Variants in TIAM2 observed in about 807,000 individuals in gnomAD.
The protein encoded by TIAM2 is TIAM Rac1 associated GEF 2, also known as rho guanine nucleotide exchange factor TIAM2.
Under a neutral mutation model 152.9 loss-of-function variants are expected in TIAM2, and 80 were observed. The ratio of observed to expected loss-of-function variants is 0.52; its 90% confidence interval spans 0.44 to 0.63. The LOEUF (loss-of-function observed/expected upper bound fraction) is 0.63, where lower values mean the gene tolerates loss of function less well. TIAM2 is among the 30% of genes least tolerant of loss of function. The pLI is 0.00. For synonymous variants in TIAM2, 804 were observed against 838.0 expected, an observed-to-expected ratio of 0.96 and a Z score of 0.70; for missense variants, 1,965 against 2,120.1, an observed-to-expected ratio of 0.93 and a Z score of 1.44.
At chr6:155,184,053 A>G (rs372711534) in intron 14 of TIAM2, among the ~76,000 whole-genome samples, 2 of 152,220 alleles carry the variant, frequency 1.3e-5, no homozygotes, top group South Asian at 4.1e-4. Context: ...CAGTGGCACA[A>G]TCTCAGCTCA....
intron 1 of TIAM2, among the ~76,000 whole-genome samples, chr6:155,028,510 T>G (rs1776687700): frequency 7.2e-6 from 1 of 139,088 alleles, no homozygotes; most frequent in African/African-American, 2.6e-5. Flanking sequence ...GTTACATATA[T>G]ACTACATATA....
intron 14 of TIAM2, among the ~76,000 whole-genome samples, chr6:155,203,301 A>C (rs1259464438): frequency 5.3e-5 from 8 of 152,210 alleles, no homozygotes. Context: ...TTTAAAAAAC[A>C]AAAGATACAT....
At position 155,252,014 on chromosome 6, in the gene TIAM2, A is replaced by T. The variant is rs1225807012; in HGVS notation, c.4119+11A>T. 1 of 1,590,462 alleles carries T rather than the reference A, an allele frequency of 6.3e-7. No individual in the cohort carries two copies. The highest frequency in any genetic ancestry group is 8.6e-7 in the Non-Finnish European group (1 of 1,164,360). ...CTGAAAAAGAAATTGGTAAGGCAAA[A>T]ATTCATTTTAATTTAAGCTACCTTT... On this transcript the variant is annotated intron_variant, in intron 23 of 26. Transcript: ENST00000682666.
At chr6:154,998,648 A>C (rs368679937) in intron 1 of TIAM2, among the ~76,000 whole-genome samples, 6 of 152,214 alleles carry the variant, frequency 3.9e-5, no homozygotes, top group African/African-American at 1.4e-4. Context: ...AGATGTCAAA[A>C]GTGTTTGCTA....
chr6:155,256,475 T>C lies in TIAM2; in HGVS notation c.4469-9T>C, dbSNP rs764440559. ...TGTATCACAGCGAAATGTGTTTTTC[T>C]CACTGTAGCTTCATCCAGGTCTTTA... On this transcript the variant is annotated splice_polypyrimidine_tract_variant and intron_variant, in intron 26 of 26. Coordinates refer to ENST00000682666, the MANE Select transcript of TIAM2 (RefSeq NM_012454.4). 7 of 1,614,138 alleles carry C rather than the reference T, an allele frequency of 4.3e-6. No individual in the cohort carries two copies. The highest frequency in any genetic ancestry group is 2.2e-5 in the East Asian group (1 of 44,888).
intron 2 of TIAM2, among the ~76,000 whole-genome samples, chr6:155,118,567 G>A (rs889333772): frequency 1.3e-5 from 2 of 151,586 alleles, no homozygotes; most frequent in African/African-American, 4.8e-5. Flanking sequence ...CAAGTAGCTG[G>A]AATTACAGGC....
rs1365345833 is a variant in TIAM2, at chr6:155,129,550, T to C, written c.327T>C (p.Ala109=). Residue 109 remains alanine (A), a synonymous_variant, in exon 4 of 27, where the codon GCT becomes GCC. Coordinates refer to ENST00000682666, the MANE Select transcript of TIAM2 (RefSeq NM_012454.4). This position sits in a 1 kb window ranked among gnomAD's most constrained non-coding sequence, Gnocchi z 4.8. ...AGGATTTCCAGGGCATCAGTGCTGC[T>C]TTCTCAACTGAGAATGGCTTCCACT... ...PGKDFQGISA[A]FSTENGFHSV... 4 of 1,614,040 alleles carry C rather than the reference T, an allele frequency of 2.5e-6. No individual in the cohort carries two copies. Among genetic ancestry groups the C allele is most frequent in the Non-Finnish European group, 3.4e-6 (4 of 1,180,042 alleles).
chr6:155,046,886 G>A lies in TIAM2; in HGVS notation c.-208-43403G>A, dbSNP rs574510939. Among the ~76,000 whole-genome samples, 8 of 152,252 alleles carry A rather than the reference G, an allele frequency of 5.3e-5. No homozygotes were observed. The South Asian group carries it at 1.7e-3, about 32-fold the overall frequency. On this transcript the variant is annotated intron_variant, in intron 1 of 26. Transcript: ENST00000682666. ...TTGCTGCTGTTGTTTATTCTTGTTG[G>A]AAGCTCAGTGTGAGATGAGAGATGC... is the stretch of plus-strand genomic sequence containing the variant.
At chr6:155,003,604 C>T (rs914713844) in intron 1 of TIAM2, among the ~76,000 whole-genome samples, 19 of 152,156 alleles carry the variant, frequency 1.2e-4, no homozygotes, top group Non-Finnish European at 2.1e-4. Flanking sequence ...AAGTCTCCAC[C>T]GGGGCCAAAG....
chr6:155,051,225 T>C (rs937688834), intron 1 of TIAM2, among the ~76,000 whole-genome samples: 45 of 152,034 alleles, frequency 3.0e-4, no homozygotes, highest in Non-Finnish European at 5.3e-4. Flanking sequence ...ATAAGAAGAA[T>C]GGAGATGGTG....
chr6:155,206,250 G>GT (rs202011341), intron 14 of TIAM2, among the ~76,000 whole-genome samples: 2,119 of 152,176 alleles, frequency 0.014, 42 homozygotes, highest in African/African-American at 0.049. Flanking sequence ...CCACAGCATG[G>GT]TTTTTTTGTT....
intron 1 of TIAM2, among the ~76,000 whole-genome samples, chr6:154,999,139 A>G (rs1191778671): frequency 6.6e-6 from 1 of 152,082 alleles, no homozygotes; most frequent in Non-Finnish European, 1.5e-5. Context: ...GTATTGGTTA[A>G]ACTTTATGGG....
rs1583259401 is a variant in TIAM2, at chr6:155,221,916, A to T, written c.3168+10609A>T. On this transcript the variant is annotated intron_variant, in intron 15 of 26. Coordinates refer to ENST00000682666, the MANE Select transcript of TIAM2 (RefSeq NM_012454.4). ...CCAAACTAGCCTCAGTGTAAATACCATTTGCAGGTTCTTGCCTATTCTTCT... is the reference window on the plus strand; with the variant it reads ...CCAAACTAGCCTCAGTGTAAATACCTTTTGCAGGTTCTTGCCTATTCTTCT... Among the ~76,000 whole-genome samples, 3 of 152,158 alleles carry T rather than the reference A, an allele frequency of 2.0e-5. No homozygotes were observed. The South Asian group carries it at 6.2e-4, about 32-fold the overall frequency.
chr6:155,080,492 T>TA (rs1778038751), intron 1 of TIAM2, among the ~76,000 whole-genome samples: 1 of 150,938 alleles, frequency 6.6e-6, no homozygotes, highest in Non-Finnish European at 1.5e-5. Flanking sequence ...CAGGCTGGAG[T>TA]ACAGTGGCAC....
chr6:155,227,943 T>C (rs894238059), intron 15 of TIAM2, among the ~76,000 whole-genome samples: 6 of 152,334 alleles, frequency 3.9e-5, no homozygotes, highest in Non-Finnish European at 8.8e-5. Context: ...CTTAGAACTA[T>C]TATCAGAGCA....
intron 16 of TIAM2, among the ~76,000 whole-genome samples, chr6:155,243,343 G>A (rs1184753392): frequency 6.6e-6 from 1 of 152,180 alleles, no homozygotes; most frequent in East Asian, 1.9e-4. Context: ...GGGTGCACCT[G>A]ACACCAGTGC....
chr6:155,085,963 GC>G lies in TIAM2; in HGVS notation c.-208-4323del, dbSNP rs1299142990. On this transcript the variant is annotated intron_variant, in intron 1 of 26. Coordinates refer to ENST00000682666, the MANE Select transcript of TIAM2 (RefSeq NM_012454.4). ...TCTCATAGACTCACATACTCAAGGT[GC>G]CCTGTTTGATCTTTCTGTGGTCACA... Among the ~76,000 whole-genome samples the G allele has an allele frequency of 2.0e-5, 3 of 152,306 alleles. No homozygotes were observed. The East Asian group carries it at 5.8e-4, about 29-fold the overall frequency.
chr6:155,055,037 A>C (rs1202959290), intron 1 of TIAM2, among the ~76,000 whole-genome samples: 1 of 152,180 alleles, frequency 6.6e-6, no homozygotes, highest in Non-Finnish European at 1.5e-5. Context: ...GCCCTGGGAC[A>C]TGATTTTTGG....
chr6:155,148,335 G>C lies in TIAM2; in HGVS notation c.2028+1G>C, dbSNP rs1264207712. The C allele has an allele frequency of 6.2e-7, 1 of 1,610,282 alleles. No homozygotes were observed. Among genetic ancestry groups the C allele is most frequent in the African/African-American group, 1.3e-5 (1 of 74,800 alleles). ...GAACAGGAAAGCCATAGAGAACCAG[G>C]TACTGTTTGTCTACACCTGAGTTTT... is the stretch of plus-strand genomic sequence containing the variant. On this transcript the variant is annotated splice_donor_variant, in intron 7 of 26. Transcript: ENST00000682666. LOFTEE classifies it high-confidence loss of function.
Sources: gnomAD v4.1 joint callset for allele counts (sites outside exome capture counted in the v4.1 genomes callset) on GRCh38, gnomAD v4.1.1 for gene constraint, Gnocchi (gnomAD v3.1) non-coding constraint, MANE v1.5 for transcripts, NCBI Gene and HGNC (gene_info 2026-07-23, HGNC 2026-07-21) for gene names.